The following CORIN variants were observed in gnomAD, a reference collection of about 807,000 sequenced individuals.
CORIN encodes atrial natriuretic peptide-converting enzyme.
CORIN carries 117 observed loss-of-function variants against 125.3 expected under a neutral mutation model. The ratio of observed to expected loss-of-function variants is 0.93; its 90% CI spans 0.80 to 1.09. The LOEUF (loss-of-function observed/expected upper bound fraction) is 1.09. CORIN is among the 50% of genes least tolerant of loss of function. The pLI is 0.00. For synonymous variants in CORIN, 450 were observed against 466.4 expected (o/e 0.96, Z 0.45); for missense variants, 1,253 against 1,306.7 (o/e 0.96, Z 0.63).
intron 3 of CORIN, among the ~76,000 whole-genome samples, chr4:47,784,799 C>G (rs6815011): frequency 0.15 from 23,452 of 152,136 alleles, 2,008 homozygotes; most frequent in East Asian, 0.32. Flanking sequence ...TGGCATAATT[C>G]TGGTTTGCAA....
chr4:47,797,616 G>C (rs1246055101), intron 2 of CORIN, among the ~76,000 whole-genome samples: 1 of 151,974 alleles, frequency 6.6e-6, no homozygotes, highest in African/African-American at 2.4e-5. Flanking sequence ...TAATTCTTAT[G>C]GACAGAGTTA....
intron 3 of CORIN, among the ~76,000 whole-genome samples, chr4:47,768,727 T>C (rs940207433): frequency 2.4e-4 from 36 of 152,252 alleles, no homozygotes; most frequent in African/African-American, 8.7e-4. Flanking sequence ...ACAAAAGCCA[T>C]ACGACCATCT....
chr4:47,790,237 C>T (rs1344358972), intron 2 of CORIN: 1 of 984,360 alleles, frequency 1.0e-6, no homozygotes, highest in Non-Finnish European at 1.2e-6. Context: ...ATGGGGCTGG[C>T]TGTGGTGAGA....
chr4:47,720,466 T>C (rs1247544012), intron 5 of CORIN, among the ~76,000 whole-genome samples: 1 of 152,126 alleles, frequency 6.6e-6, no homozygotes, highest in Non-Finnish European at 1.5e-5. Context: ...CTGCCAACCA[T>C]GAAAAGAAAA....
At chr4:47,797,923 G>T (rs1406427524) in intron 2 of CORIN, among the ~76,000 whole-genome samples, 1 of 152,062 alleles carries the variant, frequency 6.6e-6, no homozygotes, top group Non-Finnish European at 1.5e-5. Context: ...CAAGTTGCAT[G>T]CTCTTTCTTC....
intron 3 of CORIN, among the ~76,000 whole-genome samples, chr4:47,763,799 G>A (rs1729583594): frequency 6.6e-6 from 1 of 151,382 alleles, no homozygotes; most frequent in South Asian, 2.1e-4. Flanking sequence ...TCGTGTCCTG[G>A]GAAAATGTGT....
chr4:47,796,355 G>A (rs1034509582), intron 2 of CORIN, among the ~76,000 whole-genome samples: 1 of 152,024 alleles, frequency 6.6e-6, no homozygotes, highest in South Asian at 2.1e-4. Flanking sequence ...AATACTACAT[G>A]ATCACACTCA....
chr4:47,623,090 C>T (rs1173511059), intron 19 of CORIN, among the ~76,000 whole-genome samples: 5 of 114,948 alleles, frequency 4.3e-5, no homozygotes, highest in Non-Finnish European at 8.6e-5. Flanking sequence ...CTCTCTCTCT[C>T]TCTCTCTATA....
chr4:47,607,190 C>G (rs116496762), intron 19 of CORIN, among the ~76,000 whole-genome samples: 40,825 of 151,642 alleles, frequency 0.27, 5,559 homozygotes, highest in Admixed American at 0.35. Flanking sequence ...AGGCAGATCA[C>G]GAGGTCAGGA....
At chr4:47,631,299 G>A (rs1277501042) in intron 16 of CORIN, among the ~76,000 whole-genome samples, 1 of 152,110 alleles carries the variant, frequency 6.6e-6, no homozygotes, top group African/African-American at 2.4e-5. Flanking sequence ...GTGAGTGCGG[G>A]GCAAGCCAGC....
At chr4:47,687,183 T>C (rs1284246542) in intron 6 of CORIN, among the ~76,000 whole-genome samples, 2 of 152,208 alleles carry the variant, frequency 1.3e-5, no homozygotes, top group Non-Finnish European at 2.9e-5. Flanking sequence ...AATCTGTTAC[T>C]TCCCTAAGGT....
intron 4 of CORIN, among the ~76,000 whole-genome samples, chr4:47,747,589 T>C (rs1018100786): frequency 1.3e-5 from 2 of 152,202 alleles, no homozygotes; most frequent in Admixed American, 6.5e-5. Flanking sequence ...AAAATGAAGT[T>C]TCATACAGGA....
Position 47,665,277 on chromosome 4 carries a change from A to G in CORIN, c.1358-14T>C, listed in dbSNP as rs1278598273. 7.8e-6 allele frequency: 12 copies of G among 1,545,742 alleles called. No homozygotes were observed. The South Asian group carries it at 1.4e-4, about 18-fold the overall frequency. ...GTTCACATTGACCTAACAAAGAAAC[A>G]TACACACAAATATTTTTAAATTTCA... On this transcript the variant is annotated splice_polypyrimidine_tract_variant and intron_variant, in intron 10 of 21. Coordinates refer to ENST00000273857, the MANE Select transcript of CORIN (RefSeq NM_006587.4).
At chr4:47,698,606 G>A (rs559140251) in intron 5 of CORIN, among the ~76,000 whole-genome samples, 1 of 152,174 alleles carries the variant, frequency 6.6e-6, no homozygotes, top group South Asian at 2.1e-4. Context: ...GGCATGATCT[G>A]ACTGAAATTC....
chr4:47,644,191 G>A (rs183868760), intron 14 of CORIN, among the ~76,000 whole-genome samples: 9 of 152,312 alleles, frequency 5.9e-5, no homozygotes, highest in Non-Finnish European at 8.8e-5. Flanking sequence ...TGACCTGAGC[G>A]AATCCCTTAA....
intron 5 of CORIN, among the ~76,000 whole-genome samples, chr4:47,716,702 TA>T (rs1207772506): frequency 2.6e-5 from 4 of 152,186 alleles, no homozygotes; most frequent in Admixed American, 2.0e-4. Context: ...AGAATGCTTT[TA>T]AAATTTATAG....
At chr4:47,621,088 A>G (rs1370465672) in intron 19 of CORIN, among the ~76,000 whole-genome samples, 1 of 152,230 alleles carries the variant, frequency 6.6e-6, no homozygotes, top group African/African-American at 2.4e-5. Context: ...TAAATACAAT[A>G]AAATGGCTAG....
At position 47,627,477 on chromosome 4, in the gene CORIN, A is replaced by T. The variant is rs6825933; in HGVS notation, c.2199-956T>A. Among the ~76,000 whole-genome samples the T allele has an allele frequency of 4.7e-3, 709 of 152,342 alleles. 3 individuals carry two copies. The highest frequency in any genetic ancestry group is 0.016 in the African/African-American group (664 of 41,582). ...TTATAAACATTTGATTTTAAAACAA[A>T]TGTCATACATCCTAGCCACAATGAA... On this transcript the variant is annotated intron_variant, in intron 16 of 21. Coordinates refer to ENST00000273857, the MANE Select transcript of CORIN (RefSeq NM_006587.4).
In CORIN at chr4:47,786,734, T is replaced by C; in HGVS notation, c.400A>G (p.Arg134Gly). The C allele has an allele frequency of 6.2e-7, 1 of 1,613,900 alleles. No homozygotes were observed. Among genetic ancestry groups the C allele is most frequent in the Non-Finnish European group, 8.5e-7 (1 of 1,179,768 alleles). Residue 134 changes from arginine to glycine, a missense_variant, in exon 3 of 22, where the codon AGG becomes GGG. Transcript: ENST00000273857. The stretch of plus-strand genomic sequence containing the variant: ...TCACCTTTGGACTTACTTGTATTCC[T>C]GTGACTTTGGTCCCCTGGGAGAGAA... The part of the protein sequence containing the change: ...DASLPGDQSH[R>G]NTSACMNITH...
Sources: gnomAD v4.1 joint callset for allele counts (sites outside exome capture counted in the v4.1 genomes callset) on GRCh38, gnomAD v4.1.1 for gene constraint, MANE v1.5 for transcripts, NCBI Gene and HGNC (gene_info 2026-07-23, HGNC 2026-07-21) for gene names.